The following EBF3 variants were observed in gnomAD, a reference collection of about 807,000 sequenced individuals.
EBF3 encodes transcription factor COE3.
Under a neutral mutation model 77.1 loss-of-function variants are expected in EBF3, and 18 were observed. That is an observed-to-expected ratio of 0.23 (90% CI 0.16 to 0.35). EBF3 has a LOEUF of 0.35. EBF3 is among the 10% of genes least tolerant of loss of function. EBF3 has a pLI of 1.00. For missense variants in EBF3, 558 were observed against 860.0 expected (o/e 0.65, Z 4.39); for synonymous variants, 350 against 343.5 (o/e 1.02, Z -0.21).
intron 6 of EBF3, among the ~76,000 whole-genome samples, chr10:129,956,494 C>T (rs967201713): frequency 2.0e-5 from 3 of 152,092 alleles, no homozygotes; most frequent in Admixed American, 6.6e-5. Context: ...GAGGGCTGGG[C>T]GAGGAGGGTG....
In EBF3 at chr10:129,842,113, T is replaced by G; in HGVS notation, c.1372+3A>C. Reference sequence around the variant, plus strand: ...CAGGGGTCCTCCCAGCATGCTGGCATACCTTGGTCGTTGGCTTGTGACGTC... The same window carrying G: ...CAGGGGTCCTCCCAGCATGCTGGCAGACCTTGGTCGTTGGCTTGTGACGTC... On this transcript the variant is annotated splice_donor_region_variant and intron_variant, in intron 13 of 16. Coordinates refer to ENST00000440978, the MANE Select transcript of EBF3 (RefSeq NM_001375380.1). This position sits in a 1 kb window ranked among gnomAD's most constrained non-coding sequence, Gnocchi z 4.4. The G allele has an allele frequency of 6.2e-7, 1 of 1,614,194 alleles. No homozygotes were observed. Among genetic ancestry groups the G allele is most frequent in the Non-Finnish European group, 8.5e-7 (1 of 1,180,030 alleles).
At chr10:129,915,508 A>T (rs1010098172) in intron 6 of EBF3, among the ~76,000 whole-genome samples, 2 of 150,954 alleles carry the variant, frequency 1.3e-5, no homozygotes, top group Non-Finnish European at 2.9e-5. Flanking sequence ...AAAAAAGCCA[A>T]GACAAGTTGG....
intron 6 of EBF3, among the ~76,000 whole-genome samples, chr10:129,920,986 G>A (rs969269765): frequency 4.6e-5 from 7 of 152,174 alleles, no homozygotes; most frequent in Admixed American, 1.3e-4. Flanking sequence ...AGGTGCCCTC[G>A]GTGGTCTGGG....
chr10:129,838,379 C>A (rs1849759030), intron 16 of EBF3, among the ~76,000 whole-genome samples: 1 of 152,244 alleles, frequency 6.6e-6, no homozygotes, highest in Non-Finnish European at 1.5e-5. Context: ...TCAAGGCCGG[C>A]TCACAGGCCC....
At chr10:129,930,558 T>C (rs1310590686) in intron 6 of EBF3, among the ~76,000 whole-genome samples, 1 of 148,708 alleles carries the variant, frequency 6.7e-6, no homozygotes, top group Non-Finnish European at 1.5e-5. Flanking sequence ...CCTATATCTA[T>C]ACCTGTCTAT....
At chr10:129,873,250 G>A (rs1379411934) in intron 8 of EBF3, among the ~76,000 whole-genome samples, 1 of 152,230 alleles carries the variant, frequency 6.6e-6, no homozygotes, top group African/African-American at 2.4e-5. Flanking sequence ...GGAAAGTCCC[G>A]CTGTTCAATA....
At chr10:129,939,511 GTTTTTGT>G (rs1174779800) in intron 6 of EBF3, among the ~76,000 whole-genome samples, 1 of 152,046 alleles carries the variant, frequency 6.6e-6, no homozygotes, top group East Asian at 1.9e-4. Flanking sequence ...TGGGGTTTTT[GTTTTTGT>G]TTTTTGTTTT....
intron 5 of EBF3, 68 bp downstream of exon 5, chr10:129,958,866 G>C: frequency 6.6e-7 from 1 of 1,513,208 alleles, no homozygotes; most frequent in Non-Finnish European, 8.8e-7. Flanking sequence ...CCTGGACGCG[G>C]CGTCCTTTGT....
chr10:129,921,482 T>C (rs1429673511), intron 6 of EBF3, among the ~76,000 whole-genome samples: 1 of 152,156 alleles, frequency 6.6e-6, no homozygotes, highest in South Asian at 2.1e-4. Context: ...CCCCCGACCA[T>C]GGGGCCTCAC....
chr10:129,859,307 C>T (rs1415920104), intron 10 of EBF3, among the ~76,000 whole-genome samples: 2 of 152,256 alleles, frequency 1.3e-5, no homozygotes, highest in African/African-American at 2.4e-5. Flanking sequence ...CTGCAGCCTC[C>T]GCCTCCCGGG....
At chr10:129,925,452 C>T (rs1034014578) in intron 6 of EBF3, among the ~76,000 whole-genome samples, 1 of 151,764 alleles carries the variant, frequency 6.6e-6, no homozygotes, top group Non-Finnish European at 1.5e-5. Flanking sequence ...ATTAGCAAGG[C>T]GTGGTGGTGC....
chr10:129,937,141 C>T (rs112577781), intron 6 of EBF3, among the ~76,000 whole-genome samples: 1,824 of 152,262 alleles, frequency 0.012, 13 homozygotes, highest in Non-Finnish European at 0.018. Flanking sequence ...GGACAGCAAT[C>T]GTGCCGGGAA....
At position 129,841,688 on chromosome 10, in the gene EBF3, G is replaced by T. The variant is rs777448869; in HGVS notation, c.1372+428C>A. Among the ~76,000 whole-genome samples, 2 of 152,094 alleles carry T rather than the reference G, an allele frequency of 1.3e-5. No homozygotes were observed. Among genetic ancestry groups the T allele is most frequent in the Non-Finnish European group, 2.9e-5 (2 of 68,026 alleles). On this transcript the variant is annotated intron_variant, in intron 13 of 16. Coordinates refer to ENST00000440978, the MANE Select transcript of EBF3 (RefSeq NM_001375380.1). This position sits in a 1 kb window ranked among gnomAD's most constrained non-coding sequence, Gnocchi z 4.6. ...CACTGTGGGATGGGGTGCGGGGTGG[G>T]GAAATGGGGGTCTGTCTCCATGGAT... is the stretch of plus-strand genomic sequence containing the variant.
At chr10:129,899,613 A>G (rs1854642524) in intron 6 of EBF3, among the ~76,000 whole-genome samples, 1 of 152,178 alleles carries the variant, frequency 6.6e-6, no homozygotes, top group Non-Finnish European at 1.5e-5. Context: ...ATCCAGCCGG[A>G]GGGAAGGCCA....
intron 6 of EBF3, among the ~76,000 whole-genome samples, chr10:129,917,651 C>CAAAAAA (rs71481019): frequency 0.13 from 3,086 of 23,504 alleles, 755 homozygotes; most frequent in Non-Finnish European, 0.17. Flanking sequence ...GACCCTGCCT[C>CAAAAAA]AAAAAAAAAA....
At chr10:129,892,543 G>C (rs1044685004) in intron 6 of EBF3, among the ~76,000 whole-genome samples, 4 of 152,178 alleles carry the variant, frequency 2.6e-5, no homozygotes, top group African/African-American at 9.7e-5. Context: ...GAGCCGTGTT[G>C]CATGAATGTT....
intron 6 of EBF3, among the ~76,000 whole-genome samples, chr10:129,904,941 G>A (rs974146973): frequency 2.6e-5 from 4 of 152,292 alleles, no homozygotes; most frequent in Non-Finnish European, 5.9e-5. Flanking sequence ...TTATAATCAC[G>A]AGACATTTCT....
intron 6 of EBF3, among the ~76,000 whole-genome samples, chr10:129,881,713 T>G (rs1564852433): frequency 6.6e-6 from 1 of 152,164 alleles, no homozygotes; most frequent in Non-Finnish European, 1.5e-5. Context: ...TACTAACTCA[T>G]GAGGGTCCTG....
intron 14 of EBF3, 141 bp from the exon 15 acceptor site, chr10:129,840,583 A>G (rs1849961488): frequency 2.3e-5 from 24 of 1,035,114 alleles, no homozygotes; most frequent in Non-Finnish European, 3.3e-5. Flanking sequence ...CACGCTCTGG[A>G]TAACAGGCAA....
Sources: gnomAD v4.1 joint callset for allele counts (sites outside exome capture counted in the v4.1 genomes callset) on GRCh38, gnomAD v4.1.1 for gene constraint, Gnocchi (gnomAD v3.1) non-coding constraint, MANE v1.5 for transcripts, NCBI Gene and HGNC (gene_info 2026-07-23, HGNC 2026-07-21) for gene names.